The following AKAP19 variants were observed in gnomAD, a reference collection of about 807,000 sequenced individuals.
AKAP19 encodes A-kinase anchoring protein 19, also known as small A-kinase anchoring protein.
the AKAP19 span, among the ~76,000 whole-genome samples, chr2:190,098,542 C>A: frequency 6.6e-6 from 1 of 152,048 alleles, no homozygotes; most frequent in Non-Finnish European, 1.5e-5. Context: ...TTCTAGAGCA[C>A]GAGCAGAGTA....
chr2:190,176,810 T>C, the AKAP19 span, among the ~76,000 whole-genome samples: 2 of 152,234 alleles, frequency 1.3e-5, no homozygotes, highest in African/African-American at 4.8e-5. The surrounding 1 kb of genome is among the most constrained non-coding windows in gnomAD (Gnocchi z 4.7). Context: ...AAAATGTGTC[T>C]GTTGCCTACT....
chr2:189,885,540 G>A, the AKAP19 span, among the ~76,000 whole-genome samples: 1 of 152,124 alleles, frequency 6.6e-6, no homozygotes, highest in Non-Finnish European at 1.5e-5. Context: ...AGCTGAGCTC[G>A]TTAACCCCCA....
chr2:190,194,030 CTTTGTCCCATGGGTTA>C, the AKAP19 span, among the ~76,000 whole-genome samples: 1 of 151,968 alleles, frequency 6.6e-6, no homozygotes. Context: ...TGATTTTCTT[CTTTGTCCCATGGGTTA>C]TTTAGAAATA....
chr2:190,094,075 C>T, the AKAP19 span, among the ~76,000 whole-genome samples: 351 of 152,322 alleles, frequency 2.3e-3, 2 homozygotes, highest in Non-Finnish European at 3.8e-3. Context: ...CTCTCCACAG[C>T]GACAGAGTAA....
chr2:190,097,859 C>CCAAA, the AKAP19 span, among the ~76,000 whole-genome samples: 1 of 64,526 alleles, frequency 1.5e-5, no homozygotes, highest in African/African-American at 6.4e-5. Flanking sequence ...TGGTTTCTAC[C>CCAAA]AAAAAAAAAA....
At chr2:190,129,574 G>A in the AKAP19 span, among the ~76,000 whole-genome samples, 1 of 151,368 alleles carries the variant, frequency 6.6e-6, no homozygotes, top group African/African-American at 2.4e-5. Flanking sequence ...ATTTTCTAAG[G>A]TGATGAGGGG....
the AKAP19 span, among the ~76,000 whole-genome samples, chr2:189,909,080 ATGACT>A: frequency 2.0e-5 from 3 of 152,016 alleles, no homozygotes; most frequent in Non-Finnish European, 4.4e-5. Context: ...TAGTCTCTTG[ATGACT>A]TGACCCCTTT....
At chr2:190,093,468 T>G in the AKAP19 span, among the ~76,000 whole-genome samples, 1 of 151,976 alleles carries the variant, frequency 6.6e-6, no homozygotes, top group Admixed American at 6.6e-5. Flanking sequence ...AATACTAAAC[T>G]AAAATAGTAA....
chr2:189,936,896 G>A, the AKAP19 span, among the ~76,000 whole-genome samples: 1 of 152,102 alleles, frequency 6.6e-6, no homozygotes, highest in Non-Finnish European at 1.5e-5. Flanking sequence ...AGGCTGAGGA[G>A]GAAGAATCAC....
the AKAP19 span, among the ~76,000 whole-genome samples, chr2:190,039,990 G>A: frequency 6.6e-6 from 1 of 152,152 alleles, no homozygotes; most frequent in Admixed American, 6.5e-5. Context: ...ACATTTGCAT[G>A]CATGTATCTT....
At chr2:189,962,655 G>T in the AKAP19 span, among the ~76,000 whole-genome samples, 2 of 152,184 alleles carry the variant, frequency 1.3e-5, no homozygotes, top group South Asian at 4.2e-4. Context: ...AGAGATGTTG[G>T]GTTGGGGGAT....
At chr2:189,968,026 G>T in the AKAP19 span, among the ~76,000 whole-genome samples, 111 of 152,236 alleles carry the variant, frequency 7.3e-4, 2 homozygotes, top group Non-Finnish European at 2.2e-4. Flanking sequence ...TGCACGTTGT[G>T]TGGAATATCA....
chr2:190,073,321 G>A, the AKAP19 span, among the ~76,000 whole-genome samples: 1 of 152,134 alleles, frequency 6.6e-6, no homozygotes, highest in Non-Finnish European at 1.5e-5. Flanking sequence ...ATCCTCAATG[G>A]ACAGGTAATG....
At chr2:190,006,520 G>T in the AKAP19 span, among the ~76,000 whole-genome samples, 1 of 151,896 alleles carries the variant, frequency 6.6e-6, no homozygotes, top group Non-Finnish European at 1.5e-5. Flanking sequence ...CGTGATGGCG[G>T]GTGCCTGTAG....
At chr2:190,041,472 G>A in the AKAP19 span, among the ~76,000 whole-genome samples, 6 of 152,124 alleles carry the variant, frequency 3.9e-5, no homozygotes, top group African/African-American at 7.2e-5. Flanking sequence ...AACAGTGATA[G>A]TTTGATGTCT....
the AKAP19 span, among the ~76,000 whole-genome samples, chr2:190,042,739 A>G: frequency 6.6e-6 from 1 of 152,174 alleles, no homozygotes; most frequent in Non-Finnish European, 1.5e-5. Flanking sequence ...CTTCTGTCCT[A>G]GACGAGTCAT....
chr2:189,915,054 C>A, the AKAP19 span, among the ~76,000 whole-genome samples: 2 of 152,070 alleles, frequency 1.3e-5, no homozygotes, highest in African/African-American at 4.8e-5. Flanking sequence ...ATTATTAAAT[C>A]GTTTAGGCAA....
chr2:189,918,663 T>A, the AKAP19 span, among the ~76,000 whole-genome samples: 1 of 152,118 alleles, frequency 6.6e-6, no homozygotes, highest in Non-Finnish European at 1.5e-5. Flanking sequence ...CCAGTATATA[T>A]CCCAAAGAAT....
At chr2:189,992,049 G>T in the AKAP19 span, among the ~76,000 whole-genome samples, 1 of 87,306 alleles carries the variant, frequency 1.1e-5, no homozygotes, top group Admixed American at 1.9e-4. Context: ...CTATTAAATA[G>T]ATTTTTTTTT....
Sources: gnomAD v4.1 joint callset for allele counts (sites outside exome capture counted in the v4.1 genomes callset) on GRCh38, gnomAD v4.1.1 for gene constraint, Gnocchi (gnomAD v3.1) non-coding constraint, MANE v1.5 for transcripts, NCBI Gene and HGNC (gene_info 2026-07-23, HGNC 2026-07-21) for gene names.